Variants in CNTN4 observed in about 807,000 individuals in gnomAD.
CNTN4 encodes contactin 4, also known as contactin-4.
CNTN4 carries 77 observed loss-of-function variants against 122.5 expected under a neutral mutation model. The observed-to-expected ratio is 0.63, with a 90% CI of 0.52 to 0.76. The LOEUF is 0.76. Ranked by LOEUF, CNTN4 falls within the 30% of genes least tolerant of loss-of-function variation. The pLI is 0.00. For synonymous variants in CNTN4, 512 were observed against 447.0 expected (o/e 1.15, Z -1.83); for missense variants, 1,256 against 1,259.1 (o/e 1.00, Z 0.04).
At chr3:2,547,006 C>T (rs1003290779) in intron 3 of CNTN4, among the ~76,000 whole-genome samples, 1 of 151,946 alleles carries the variant, frequency 6.6e-6, no homozygotes, top group Non-Finnish European at 1.5e-5. Context: ...TAATCTGCAC[C>T]AGAACATCTA....
intron 2 of CNTN4, among the ~76,000 whole-genome samples, chr3:2,166,438 A>G (rs1486616711): frequency 6.6e-6 from 1 of 152,164 alleles, no homozygotes; most frequent in Non-Finnish European, 1.5e-5. Context: ...AACCTGAGAT[A>G]GGTCCCAGTA....
intron 13 of CNTN4, among the ~76,000 whole-genome samples, chr3:2,937,148 G>A (rs187425331): frequency 8.5e-5 from 13 of 152,280 alleles, no homozygotes; most frequent in Admixed American, 5.2e-4. Flanking sequence ...GGTTTGCTGT[G>A]CCTTTTATTT....
intron 2 of CNTN4, among the ~76,000 whole-genome samples, chr3:2,146,238 GTCA>G (rs2035243176): frequency 6.6e-6 from 1 of 150,422 alleles, no homozygotes; most frequent in South Asian, 2.1e-4. Context: ...TATTAATTCA[GTCA>G]TCATATGCTA....
chr3:2,287,632 G>GAGAAGAAGAAGA (rs1210971247), intron 2 of CNTN4, among the ~76,000 whole-genome samples: 10 of 49,476 alleles, frequency 2.0e-4, no homozygotes, highest in African/African-American at 7.1e-4. Flanking sequence ...GAAGGAGAAG[G>GAGAAGAAGAAGA]AGAAGAAGAA....
intron 4 of CNTN4, among the ~76,000 whole-genome samples, chr3:2,681,431 A>T (rs1163663106): frequency 6.6e-6 from 1 of 152,198 alleles, no homozygotes; most frequent in Non-Finnish European, 1.5e-5. Flanking sequence ...TAGCAACAGG[A>T]TCAGGAGATG....
At chr3:3,034,061 C>T (rs1381425698) in intron 16 of CNTN4, among the ~76,000 whole-genome samples, 2 of 152,164 alleles carry the variant, frequency 1.3e-5, no homozygotes, top group African/African-American at 2.4e-5. Context: ...TGTGTGCTCA[C>T]GTGGGAAGCA....
intron 4 of CNTN4, among the ~76,000 whole-genome samples, chr3:2,621,673 A>G (rs1219914879): frequency 6.6e-6 from 1 of 152,144 alleles, no homozygotes; most frequent in Non-Finnish European, 1.5e-5. Flanking sequence ...AAACACCAAA[A>G]TATTAAGTGG....
intron 13 of CNTN4, among the ~76,000 whole-genome samples, chr3:2,975,606 T>C (rs1343330946): frequency 6.6e-6 from 1 of 152,210 alleles, no homozygotes; most frequent in Non-Finnish European, 1.5e-5. Context: ...CAGTTTTTCT[T>C]CTGGGTCTCT....
At chr3:2,720,620 CAT>C (rs768355384) in intron 4 of CNTN4, among the ~76,000 whole-genome samples, 19 of 152,302 alleles carry the variant, frequency 1.2e-4, no homozygotes, top group African/African-American at 3.6e-4. Flanking sequence ...CAGAAAGTCA[CAT>C]GTGTCTTCCT....
intron 2 of CNTN4, among the ~76,000 whole-genome samples, chr3:2,314,757 A>T (rs2043034895): frequency 6.6e-6 from 1 of 152,010 alleles, no homozygotes; most frequent in Admixed American, 6.6e-5. Context: ...AATGAGAAAA[A>T]ATTTGCAAAT....
rs117218938 is a variant in CNTN4 at position 2,579,329 on chromosome 3, G to A, written c.55+7771G>A. ...ACGTCAACCTGTGTGATCATTCTCTGTTTAAATGTGGGATCAGTGATGCTG... is the reference window on the plus strand; with the variant it reads ...ACGTCAACCTGTGTGATCATTCTCTATTTAAATGTGGGATCAGTGATGCTG... On this transcript the variant is annotated intron_variant, in intron 4 of 24. Transcript: ENST00000418658. Among the ~76,000 whole-genome samples the A allele has an allele frequency of 3.3e-4, 50 of 152,330 alleles. No individual in the cohort carries two copies. The East Asian group carries it at 9.4e-3, about 29-fold the overall frequency.
intron 16 of CNTN4, among the ~76,000 whole-genome samples, chr3:3,033,655 C>T (rs1192114218): frequency 6.6e-6 from 1 of 152,192 alleles, no homozygotes; most frequent in Non-Finnish European, 1.5e-5. Context: ...GTCCCCTCAC[C>T]ATCACCTTCC....
intron 6 of CNTN4, among the ~76,000 whole-genome samples, chr3:2,747,314 C>A (rs370023143): frequency 0.087 from 13,036 of 149,776 alleles, 941 homozygotes; most frequent in African/African-American, 0.19. Flanking sequence ...GAGGCTGAGG[C>A]AGGAGAATGG....
At chr3:2,490,344 T>C (rs1228807995) in intron 3 of CNTN4, among the ~76,000 whole-genome samples, 2 of 152,166 alleles carry the variant, frequency 1.3e-5, no homozygotes, top group African/African-American at 4.8e-5. Flanking sequence ...CTAGTTAGTC[T>C]CCAACTATGC....
chr3:2,916,644 C>G lies in CNTN4; in HGVS notation c.1208-8985C>G, dbSNP rs1481552282. Among the ~76,000 whole-genome samples, 18 of 114,370 alleles carry G rather than the reference C, an allele frequency of 1.6e-4. 5 individuals are homozygous for G. The South Asian group carries it at 2.8e-3, about 18-fold the overall frequency. The allele number at this position is 114,370 out of a possible 152,430, so 75.0% of individuals were successfully genotyped here. On this transcript the variant is annotated intron_variant, in intron 12 of 24. Coordinates refer to ENST00000418658, the MANE Select transcript of CNTN4 (RefSeq NM_175607.3). ...AACAATCTGATTTCTCTTTCCTTTC[C>G]CCACACTTCCCCCCCTTCCACTCGA...
At chr3:2,118,496 T>C (rs1226852697) in intron 2 of CNTN4, among the ~76,000 whole-genome samples, 15 of 152,236 alleles carry the variant, frequency 9.9e-5, no homozygotes, top group Admixed American at 9.8e-4. Flanking sequence ...GGGAAGATTT[T>C]CAACCAAATA....
intron 3 of CNTN4, among the ~76,000 whole-genome samples, chr3:2,457,640 C>G (rs934448221): frequency 6.6e-6 from 1 of 152,092 alleles, no homozygotes; most frequent in African/African-American, 2.4e-5. Context: ...AGGTGTATAA[C>G]AAACCAGGGG....
At chr3:2,604,949 A>G (rs539574475) in intron 4 of CNTN4, among the ~76,000 whole-genome samples, 1 of 152,144 alleles carries the variant, frequency 6.6e-6, no homozygotes, top group Non-Finnish European at 1.5e-5. Flanking sequence ...CATATGCTCT[A>G]TATTGTAGGG....
At chr3:2,663,024 C>T (rs1411773164) in intron 4 of CNTN4, among the ~76,000 whole-genome samples, 1 of 151,964 alleles carries the variant, frequency 6.6e-6, no homozygotes, top group African/African-American at 2.4e-5. Flanking sequence ...ATCGCTTGAA[C>T]CCAAGAGGCA....
Sources: gnomAD v4.1 joint callset for allele counts (sites outside exome capture counted in the v4.1 genomes callset) on GRCh38, gnomAD v4.1.1 for gene constraint, MANE v1.5 for transcripts, NCBI Gene and HGNC (gene_info 2026-07-23, HGNC 2026-07-21) for gene names.